NGEF: variants seen among roughly 807,000 people sequenced by gnomAD.
NGEF encodes the protein neuronal guanine nucleotide exchange factor.
NGEF carries 31 observed loss-of-function variants against 80.9 expected under a neutral mutation model. The observed-to-expected ratio is 0.38, with a 90% CI of 0.29 to 0.52. The LOEUF (loss-of-function observed/expected upper bound fraction) is 0.52. Among genes scored for constraint, NGEF ranks in the 20% least tolerant of loss-of-function variants. NGEF has a pLI of 0.84. For synonymous variants in NGEF, 371 were observed against 370.2 expected, an observed-to-expected ratio of 1.00 and a Z score of -0.03; for missense variants, 709 against 926.2, an observed-to-expected ratio of 0.77 and a Z score of 3.04.
At chr2:232,903,153 G>C (rs984556566) in intron 5 of NGEF, among the ~76,000 whole-genome samples, 3 of 152,146 alleles carry the variant, frequency 2.0e-5, no homozygotes, top group Non-Finnish European at 4.4e-5. Context: ...AAAATTTAAA[G>C]AACATTTAAC....
At chr2:232,904,238 G>A (rs1020615695) in intron 5 of NGEF, among the ~76,000 whole-genome samples, 5 of 152,114 alleles carry the variant, frequency 3.3e-5, no homozygotes, top group Non-Finnish European at 7.4e-5. Context: ...CTCCCCTGGA[G>A]AGCCTCACAT....
At chr2:232,977,767 G>T (rs1385830017) in intron 1 of NGEF, among the ~76,000 whole-genome samples, 1 of 152,196 alleles carries the variant, frequency 6.6e-6, no homozygotes, top group African/African-American at 2.4e-5. Context: ...CGAGCAGGAG[G>T]CACAGGCGGG....
intron 3 of NGEF, among the ~76,000 whole-genome samples, chr2:232,967,496 G>T (rs115970115): frequency 0.27 from 40,561 of 151,678 alleles, 5,862 homozygotes; most frequent in Non-Finnish European, 0.31. Flanking sequence ...TACCATCCCG[G>T]ACTTATTTTT....
chr2:232,941,708 G>A (rs73995729), intron 3 of NGEF, among the ~76,000 whole-genome samples: 5 of 152,302 alleles, frequency 3.3e-5, no homozygotes, highest in South Asian at 2.1e-4. Context: ...GGTTTAAAGC[G>A]TTCACGTAGC....
intron 1 of NGEF, 57 bp from the exon 2 acceptor site, chr2:232,975,021 A>T (rs1694264005): frequency 1.2e-6 from 1 of 867,748 alleles, no homozygotes; most frequent in Non-Finnish European, 1.7e-6. Flanking sequence ...TATTCTATTC[A>T]GACTGTGGAA....
intron 6 of NGEF, 73 bp downstream of exon 6, chr2:232,894,683 A>T: frequency 7.3e-7 from 1 of 1,360,602 alleles, no homozygotes; most frequent in East Asian, 2.3e-5. Flanking sequence ...AGCACTTGTC[A>T]TCAGTGTCTC....
At chr2:232,927,994 C>T in intron 3 of NGEF, 1 of 1,254,934 alleles carries the variant, frequency 8.0e-7, no homozygotes, top group Non-Finnish European at 1.0e-6. Flanking sequence ...CGGCCAGCAG[C>T]TCCATAGGGT....
intron 3 of NGEF, among the ~76,000 whole-genome samples, chr2:232,968,397 C>CTTTTA (rs147401331): frequency 0.14 from 20,156 of 148,162 alleles, 1,502 homozygotes; most frequent in African/African-American, 0.19. Flanking sequence ...CCAGACCTGG[C>CTTTTA]TTTTATTTTA....
chr2:232,896,075 C>T (rs1346602655), intron 5 of NGEF, among the ~76,000 whole-genome samples: 4 of 151,912 alleles, frequency 2.6e-5, no homozygotes, highest in Non-Finnish European at 5.9e-5. Flanking sequence ...TCAGGTCCCA[C>T]AGTCGCTTCC....
At chr2:232,931,450 A>G (rs949713035) in intron 3 of NGEF, among the ~76,000 whole-genome samples, 12 of 152,356 alleles carry the variant, frequency 7.9e-5, no homozygotes, top group African/African-American at 2.6e-4. Context: ...CAAACATAGT[A>G]AAATTTGAGA....
chr2:232,897,677 C>G (rs1445219547), intron 5 of NGEF, among the ~76,000 whole-genome samples: 1 of 152,190 alleles, frequency 6.6e-6, no homozygotes, highest in East Asian at 1.9e-4. Context: ...CCCGAACCAC[C>G]ATCAGTAGCC....
chr2:232,893,083 C>A, intron 6 of NGEF, 33 bp from the exon 7 acceptor site: 1 of 1,598,456 alleles, frequency 6.3e-7, no homozygotes, highest in Non-Finnish European at 8.5e-7. Context: ...GCGGAGGGTG[C>A]CCGGGGGGTA....
intron 2 of NGEF, among the ~76,000 whole-genome samples, chr2:232,970,794 G>A (rs1204013889): frequency 6.9e-5 from 10 of 144,862 alleles, no homozygotes; most frequent in Non-Finnish European, 9.1e-5. Context: ...CAGCCTGGGT[G>A]AAAAAAAAAA....
chr2:233,002,317 A>G (rs980701988), intron 1 of NGEF, among the ~76,000 whole-genome samples: 5 of 152,236 alleles, frequency 3.3e-5, no homozygotes, highest in Non-Finnish European at 5.9e-5. Context: ...AAATGAAGTA[A>G]GAAATTTAAT....
In NGEF at chr2:232,897,128, AG is replaced by A. The variant is rs377234784; in HGVS notation, c.829-2213del. On this transcript the variant is annotated intron_variant, in intron 5 of 14. Transcript: ENST00000264051. ...GAAGGGGTGAGGGTAGGGATGGGGT[AG>A]GGGGTGGAGGTGGGGGTCTGGCCCC... Among the ~76,000 whole-genome samples the A allele has an allele frequency of 8.6e-3, 80 of 9,254 alleles. 1 individual carries two copies. In the East Asian group the frequency reaches 0.13, roughly 15 times the overall value. 6.1% of individuals were successfully genotyped at this position (9,254 alleles called of 152,430 possible).
chr2:232,992,533 G>T (rs1291796914), intron 1 of NGEF, among the ~76,000 whole-genome samples: 6 of 151,916 alleles, frequency 3.9e-5, no homozygotes, highest in African/African-American at 1.5e-4. Context: ...ACTCCAGCCT[G>T]GATGAGACTG....
At chr2:232,905,074 C>T (rs1018679359) in intron 5 of NGEF, among the ~76,000 whole-genome samples, 37 of 151,402 alleles carry the variant, frequency 2.4e-4, no homozygotes, top group Admixed American at 4.6e-4. Flanking sequence ...CTCTCCTCTC[C>T]CCTCTCCCCT....
chr2:232,926,907 T>G, intron 4 of NGEF, 137 bp downstream of exon 4: 1 of 1,139,598 alleles, frequency 8.8e-7, no homozygotes, highest in East Asian at 2.4e-5. Context: ...GCCAAACATG[T>G]CAAAAGCTTT....
intron 3 of NGEF, among the ~76,000 whole-genome samples, chr2:232,928,509 C>A (rs1048762530): frequency 6.6e-6 from 1 of 152,194 alleles, no homozygotes; most frequent in African/African-American, 2.4e-5. Context: ...GCTGGGCACC[C>A]CCTGCGGTCT....
Sources: allele counts gnomAD v4.1 joint callset (sites outside exome capture counted in the v4.1 genomes callset), GRCh38; gene constraint gnomAD v4.1.1; transcripts MANE v1.5; gene names NCBI Gene and HGNC (gene_info 2026-07-23, HGNC 2026-07-21).